TSGA10: variants seen among roughly 807,000 people sequenced by gnomAD.
The protein encoded by TSGA10 is testis specific 10.
Under a neutral mutation model 96.6 loss-of-function variants are expected in TSGA10, and 43 were observed. That is an observed-to-expected ratio of 0.44 (90% CI 0.35 to 0.57). TSGA10 has a LOEUF of 0.57. Ranked by LOEUF, TSGA10 falls within the 20% of genes least tolerant of loss-of-function variation. The pLI is 0.01. For missense variants in TSGA10, 703 were observed against 834.4 expected (o/e 0.84, Z 1.94); for synonymous variants, 229 against 269.9 (o/e 0.85, Z 1.48).
intron 15 of TSGA10, among the ~76,000 whole-genome samples, chr2:99,068,051 G>C (rs1328339647): frequency 6.6e-6 from 1 of 152,066 alleles, no homozygotes; most frequent in Non-Finnish European, 1.5e-5. Context: ...TACATTGCTG[G>C]AACCTTAAAA....
Position 99,105,401 on chromosome 2 carries a change from G to A in TSGA10, c.417C>T (p.His139=), listed in dbSNP as rs2091241905. ...AQETAFNEKA[H]LEQRIEELEC... ...CCAGCTCCTCTATCCTTTGTTCCAG[G>A]TGAGCCTTCTCATTAAATGCTGTCT... is the stretch of plus-strand genomic sequence containing the variant. The change falls in exon 9 of 21, where the codon CAC becomes CAT. Residue 139 remains histidine, a synonymous_variant. Coordinates refer to ENST00000393483, the MANE Select transcript of TSGA10 (RefSeq NM_025244.4). 1 of 1,611,964 alleles carries A rather than the reference G, an allele frequency of 6.2e-7. No homozygotes were observed. Among genetic ancestry groups the A allele is most frequent in the Admixed American group, 1.7e-5 (1 of 59,856 alleles).
At chr2:99,089,863 T>A (rs946955312) in intron 10 of TSGA10, among the ~76,000 whole-genome samples, 14 of 152,148 alleles carry the variant, frequency 9.2e-5, no homozygotes, top group African/African-American at 3.4e-4. Context: ...TCTTGGGAGT[T>A]CTGGGGCCCC....
chr2:99,106,864 C>T (rs777602460), intron 7 of TSGA10, among the ~76,000 whole-genome samples: 21 of 152,036 alleles, frequency 1.4e-4, no homozygotes, highest in Non-Finnish European at 3.1e-4. Context: ...AACGTTTCTG[C>T]TCCTCTATGT....
At chr2:99,144,649 C>CAGAAAAAAAAAAAAA (rs2093613449) in intron 1 of TSGA10, among the ~76,000 whole-genome samples, 1 of 52,272 alleles carries the variant, frequency 1.9e-5, no homozygotes, top group Admixed American at 2.7e-4. Context: ...AACTCTGTCT[C>CAGAAAAAAAAAAAAA]AAAAAAAAAA....
rs779646908 is a variant in TSGA10 at position 99,081,359 on chromosome 2, G to A, written c.650C>T (p.Thr217Ile). The change falls in exon 11 of 21, where the codon ACT becomes ATT. Residue 217 changes from threonine to isoleucine, a missense_variant. By Grantham distance (89) the Thr-to-Ile change is moderately conservative. Around this residue, in one of 3 missense-constraint regions of TSGA10, gnomAD observed 585 missense variants for 656.8 expected, o/e 0.89. Coordinates refer to ENST00000393483, the MANE Select transcript of TSGA10 (RefSeq NM_025244.4). ...TTTTTTCTTAGCAAGGTGTCGCTGA[G>A]TATCAGAAAGATCTTTTTCTGTGTT... Reference protein sequence around the residue: ...YENTEKDLSDTQRHLAKKKYE... With the variant: ...YENTEKDLSDIQRHLAKKKYE... 7 of 1,585,592 alleles carry A rather than the reference G, an allele frequency of 4.4e-6. No individual in the cohort carries two copies. In the African/African-American group the frequency reaches 5.4e-5, roughly 12 times the overall value.
intron 4 of TSGA10, among the ~76,000 whole-genome samples, chr2:99,111,270 C>T (rs149037715): frequency 2.0e-3 from 300 of 152,232 alleles, no homozygotes; most frequent in African/African-American, 6.5e-3. Context: ...ACCCAAATTA[C>T]CCCATTCAGA....
intron 16 of TSGA10, among the ~76,000 whole-genome samples, chr2:99,035,655 GGTCAAC>G (rs2081555135): frequency 6.7e-6 from 1 of 149,732 alleles, no homozygotes; most frequent in Non-Finnish European, 1.5e-5. Flanking sequence ...TGAGCAGGAT[GGTCAAC>G]TGGTCATTCT....
rs565573451 is a variant in TSGA10, at chr2:99,048,355, G to T, written c.1405-12916C>A. The stretch of plus-strand genomic sequence containing the variant: ...AGGCTACAGTAACCAAAACAGCATG[G>T]TACTGGTACCAAAACATATATATAT... On this transcript the variant is annotated intron_variant, in intron 16 of 20. Coordinates refer to ENST00000393483, the MANE Select transcript of TSGA10 (RefSeq NM_025244.4). 1.5e-3 allele frequency among the ~76,000 whole-genome samples: 233 copies of T among 152,208 alleles called. 1 individual carries two copies. Among genetic ancestry groups the T allele is most frequent in the Non-Finnish European group, 2.7e-3 (183 of 67,996 alleles).
chr2:99,077,791 T>C (rs1352044596), intron 12 of TSGA10, among the ~76,000 whole-genome samples: 1 of 151,872 alleles, frequency 6.6e-6, no homozygotes. Flanking sequence ...CTCGAACTCC[T>C]GACCTCATGA....
intron 11 of TSGA10, among the ~76,000 whole-genome samples, chr2:99,079,431 G>T (rs2087151186): frequency 6.6e-6 from 1 of 152,148 alleles, no homozygotes; most frequent in Non-Finnish European, 1.5e-5. Flanking sequence ...TCAAATTGTG[G>T]TTTCTCAACC....
At chr2:99,081,209 G>A in intron 11 of TSGA10, 73 bp downstream of exon 11, 1 of 798,492 alleles carries the variant, frequency 1.3e-6, no homozygotes, top group Non-Finnish European at 2.0e-6. Flanking sequence ...ATGTTATACT[G>A]AAGAGAAGAA....
chr2:99,059,246 G>A (rs2104423077), intron 16 of TSGA10, among the ~76,000 whole-genome samples: 1 of 151,540 alleles, frequency 6.6e-6, no homozygotes, highest in East Asian at 1.9e-4. Context: ...GTATTAGCCA[G>A]TTTAACAAAC....
chr2:99,143,133 C>CTTT (rs10605521), intron 1 of TSGA10, among the ~76,000 whole-genome samples: 17 of 82,204 alleles, frequency 2.1e-4, no homozygotes, highest in African/African-American at 3.2e-4. Flanking sequence ...CCAACTAAAC[C>CTTT]TTTTTTTTTT....
In TSGA10 at chr2:99,020,494, C is replaced by T; in HGVS notation, c.1615-12G>A. ...AACTCATTCTCCCTCTGTTCAATAA[C>T]AAGAAGATATCTACACTTATTCCCA... On this transcript the variant is annotated splice_polypyrimidine_tract_variant and intron_variant, in intron 17 of 20. Coordinates refer to ENST00000393483, the MANE Select transcript of TSGA10 (RefSeq NM_025244.4). The T allele has an allele frequency of 6.3e-7, 1 of 1,581,604 alleles. No individual in the cohort carries two copies. Among genetic ancestry groups the T allele is most frequent in the South Asian group, 1.1e-5 (1 of 89,718 alleles).
chr2:99,150,869 C>T (rs779926644), intron 1 of TSGA10: 2 of 1,386,566 alleles, frequency 1.4e-6, no homozygotes, highest in East Asian at 2.3e-5. Context: ...AAACCAAAAA[C>T]TGCCTTTGAC....
intron 16 of TSGA10, among the ~76,000 whole-genome samples, chr2:99,049,475 C>G (rs376165115): frequency 5.3e-4 from 80 of 152,186 alleles, no homozygotes; most frequent in African/African-American, 1.7e-3. Flanking sequence ...CAAACTAACA[C>G]AAGAACAGAA....
At chr2:99,080,100 C>T (rs1469542795) in intron 11 of TSGA10, among the ~76,000 whole-genome samples, 1 of 152,144 alleles carries the variant, frequency 6.6e-6, no homozygotes, top group East Asian at 1.9e-4. Context: ...TTTCTTGCTA[C>T]CCTTTAATAG....
intron 4 of TSGA10, among the ~76,000 whole-genome samples, chr2:99,115,514 C>G (rs1478892736): frequency 6.6e-6 from 1 of 151,888 alleles, no homozygotes; most frequent in African/African-American, 2.4e-5. Flanking sequence ...TCAAGCAGTT[C>G]TAAGGACCTG....
intron 7 of TSGA10, among the ~76,000 whole-genome samples, chr2:99,106,992 C>T (rs1298574513): frequency 1.3e-5 from 2 of 152,198 alleles, no homozygotes; most frequent in African/African-American, 4.8e-5. Context: ...TCCCACATTT[C>T]TTACAGTCTG....
Sources: allele counts gnomAD v4.1 joint callset (sites outside exome capture counted in the v4.1 genomes callset), GRCh38; gene constraint gnomAD v4.1.1; regional missense constraint gnomAD v4.1.1; transcripts MANE v1.5; gene names NCBI Gene and HGNC (gene_info 2026-07-23, HGNC 2026-07-21).